SSH2: variants seen among roughly 807,000 people sequenced by gnomAD.
SSH2 encodes slingshot protein phosphatase 2.
A neutral mutation model predicts 135.2 loss-of-function variants in SSH2; 37 were observed. That is an observed-to-expected ratio of 0.27 (90% CI 0.21 to 0.36). The LOEUF is 0.36. SSH2 is among the 10% of genes least tolerant of loss of function. The probability of loss-of-function intolerance (pLI) is 1.00; values close to 1 mark genes in which losing one functional copy is unlikely to be tolerated. For synonymous variants in SSH2, 628 were observed against 646.2 expected, an observed-to-expected ratio of 0.97 and a Z score of 0.43; for missense variants, 1,408 against 1,765.3, an observed-to-expected ratio of 0.80 and a Z score of 3.63.
intron 3 of SSH2, among the ~76,000 whole-genome samples, chr17:29,770,768 C>T (rs569811473): frequency 1.3e-5 from 2 of 152,268 alleles, no homozygotes; most frequent in Admixed American, 6.5e-5. Flanking sequence ...CCACCGTGCC[C>T]GGCCCAAGTC....
At chr17:29,815,890 C>G (rs1322414046) in intron 2 of SSH2, among the ~76,000 whole-genome samples, 1 of 151,890 alleles carries the variant, frequency 6.6e-6, no homozygotes, top group Non-Finnish European at 1.5e-5. Context: ...GCTCTGTTGC[C>G]CAGGCTGGAG....
intron 2 of SSH2, among the ~76,000 whole-genome samples, chr17:29,830,177 A>T (rs1487937900): frequency 1.3e-5 from 2 of 152,152 alleles, no homozygotes; most frequent in African/African-American, 4.8e-5. Context: ...AGGCTGCAGC[A>T]TCTGGCCTTT....
intron 2 of SSH2, among the ~76,000 whole-genome samples, chr17:29,818,549 G>T (rs1436720124): frequency 6.6e-6 from 1 of 151,874 alleles, no homozygotes; most frequent in African/African-American, 2.4e-5. Context: ...CGCCCAGCCC[G>T]CCAAGGGTAT....
Position 29,751,962 on chromosome 17 carries a change from CA to C in SSH2, c.188+41931del, listed in dbSNP as rs930726781. 1.6e-3 allele frequency among the ~76,000 whole-genome samples: 242 copies of C among 152,162 alleles called. 2 individuals carry two copies. The highest frequency in any genetic ancestry group is 4.9e-3 in the African/African-American group (204 of 41,508). On this transcript the variant is annotated intron_variant, in intron 3 of 15. Coordinates refer to ENST00000540801, the MANE Select transcript of SSH2 (RefSeq NM_001282129.2). ...AAGTGGAGCTTATTCACAAGAGCAA[CA>C]AAAACCTTATAAAATGCCCATGAAT...
intron 2 of SSH2, among the ~76,000 whole-genome samples, chr17:29,804,236 A>G (rs562562983): frequency 6.6e-6 from 1 of 152,338 alleles, no homozygotes; most frequent in South Asian, 2.1e-4. Flanking sequence ...GAAACCTTAA[A>G]TAAACAAACT....
At chr17:29,867,766 G>A (rs1471670800) in intron 1 of SSH2, among the ~76,000 whole-genome samples, 1 of 152,182 alleles carries the variant, frequency 6.6e-6, no homozygotes, top group Non-Finnish European at 1.5e-5. Context: ...AGATGATTGT[G>A]AAAAGAGCCT....
intron 1 of SSH2, among the ~76,000 whole-genome samples, chr17:29,854,888 A>C (rs183146498): frequency 1.3e-5 from 2 of 152,202 alleles, no homozygotes; most frequent in Non-Finnish European, 2.9e-5. Context: ...CAGAGGTTGC[A>C]GTGAGCCGAG....
At chr17:29,859,896 G>A (rs1721734015) in intron 1 of SSH2, among the ~76,000 whole-genome samples, 1 of 151,996 alleles carries the variant, frequency 6.6e-6, no homozygotes, top group African/African-American at 2.4e-5. Context: ...TTCCAGGCTG[G>A]AGTGCAATGG....
intron 2 of SSH2, among the ~76,000 whole-genome samples, chr17:29,814,020 C>T (rs887194411): frequency 3.5e-5 from 5 of 141,138 alleles, no homozygotes; most frequent in Non-Finnish European, 7.6e-5. Flanking sequence ...GTCCCAGCTA[C>T]TAGGGAGGCT....
At chr17:29,730,079 G>C (rs1489407391) in intron 3 of SSH2, among the ~76,000 whole-genome samples, 1 of 152,114 alleles carries the variant, frequency 6.6e-6, no homozygotes, top group African/African-American at 2.4e-5. Flanking sequence ...AGCACTTCGG[G>C]AGAGGCTGAG....
Position 29,753,937 on chromosome 17 carries a change from T to C in SSH2, c.188+39957A>G, listed in dbSNP as rs567489780. Among the ~76,000 whole-genome samples, 16 of 152,336 alleles carry C rather than the reference T, an allele frequency of 1.1e-4. 1 individual carries two copies. In the South Asian group the frequency reaches 3.3e-3, roughly 32 times the overall value. On this transcript the variant is annotated intron_variant, in intron 3 of 15. Transcript: ENST00000540801. ...ATCTAAAGAAATGTTTACATATGTA[T>C]ACAAAGATGTGTGTATCAGGATTGT...
chr17:29,660,268 CCTT>C (rs1567852673), intron 11 of SSH2, among the ~76,000 whole-genome samples: 1 of 151,056 alleles, frequency 6.6e-6, no homozygotes, highest in Non-Finnish European at 1.5e-5. Flanking sequence ...CCTAACCTCT[CCTT>C]TTTTTTTTTT....
At chr17:29,880,400 C>T (rs1715862825) in intron 1 of SSH2, among the ~76,000 whole-genome samples, 1 of 152,208 alleles carries the variant, frequency 6.6e-6, no homozygotes, top group African/African-American at 2.4e-5. Flanking sequence ...CTTGGCCTCC[C>T]AAAGTGCTGG....
At chr17:29,660,119 C>T (rs1344817682) in intron 11 of SSH2, among the ~76,000 whole-genome samples, 3 of 151,830 alleles carry the variant, frequency 2.0e-5, no homozygotes, top group Non-Finnish European at 4.4e-5. Context: ...TGAGCCACCA[C>T]GCCTGGTCAG....
chr17:29,885,347 A>AT (rs1491395001), intron 1 of SSH2, among the ~76,000 whole-genome samples: 2 of 47,790 alleles, frequency 4.2e-5, no homozygotes, highest in Admixed American at 2.6e-4. Flanking sequence ...CTATTGTATC[A>AT]TAAAAAAAAA....
chr17:29,708,464 C>A (rs1598850337), intron 3 of SSH2, among the ~76,000 whole-genome samples: 1 of 151,888 alleles, frequency 6.6e-6, no homozygotes, highest in South Asian at 2.1e-4. Flanking sequence ...GTGGCGGGTG[C>A]CTGTAATCCC....
intron 1 of SSH2, among the ~76,000 whole-genome samples, chr17:29,900,606 G>GCA: frequency 6.6e-6 from 1 of 152,154 alleles, no homozygotes; most frequent in Non-Finnish European, 1.5e-5. Flanking sequence ...TTAGAATGAT[G>GCA]ATCATTAAAA....
chr17:29,738,580 G>A (rs1414149732), intron 3 of SSH2, among the ~76,000 whole-genome samples: 1 of 146,212 alleles, frequency 6.8e-6, no homozygotes, highest in African/African-American at 2.5e-5. Flanking sequence ...TTGAGACGGA[G>A]TCTCGCTCTG....
At position 29,684,648 on chromosome 17, in the gene SSH2, G is replaced by A. The variant is rs1254233096; in HGVS notation, c.394C>T (p.Arg132Cys). ...TTAGTTGAAACCACTACCATATAGC[G>A]TGTTCGATTCTGGTAAGTACTTTCC... ...RLESTYQNRT[R>C]YMVVVSTNGR... The change falls in exon 6 of 16, where the codon CGC (arginine) becomes TGC (cysteine). Residue 132 changes from arginine to cysteine, a missense_variant. By Grantham distance (180) the Arg-to-Cys change is radical. Transcript: ENST00000540801. 5 of 1,612,720 alleles carry A rather than the reference G, an allele frequency of 3.1e-6. No homozygotes were observed. In the Admixed American group the frequency reaches 8.3e-5, roughly 27 times the overall value.
Sources: allele counts gnomAD v4.1 joint callset (sites outside exome capture counted in the v4.1 genomes callset), GRCh38; gene constraint gnomAD v4.1.1; transcripts MANE v1.5; gene names NCBI Gene and HGNC (gene_info 2026-07-23, HGNC 2026-07-21).